The following PRSS48 variants were observed in gnomAD, a reference collection of about 807,000 sequenced individuals.
PRSS48 encodes serine protease 48, also known as epidermis-specific serine protease-like protein.
PRSS48 carries 21 observed loss-of-function variants against 25.6 expected under a neutral mutation model. The observed-to-expected ratio is 0.82, with a 90% confidence interval of 0.58 to 1.18. PRSS48 has a LOEUF of 1.18. PRSS48 is among the 50% of genes most tolerant of loss of function. PRSS48 has a pLI of 0.00. For synonymous variants in PRSS48, 150 were observed against 149.3 expected, an observed-to-expected ratio of 1.00 and a Z score of -0.04; for missense variants, 373 against 399.3, an observed-to-expected ratio of 0.93 and a Z score of 0.56.
At chr4:151,280,073 C>T in intron 2 of PRSS48, 115 bp downstream of exon 2, 1 of 1,257,936 alleles carries the variant, frequency 7.9e-7, no homozygotes, top group East Asian at 2.3e-5. Context: ...CGGAAGGAAA[C>T]CCAGGTCATG....
chr4:151,285,275 GAA>G (rs1363737780), intron 4 of PRSS48, among the ~76,000 whole-genome samples: 1 of 152,108 alleles, frequency 6.6e-6, no homozygotes, highest in Admixed American at 6.5e-5. Flanking sequence ...TTTAAAAACA[GAA>G]AGAGTCCTAA....
intron 1 of PRSS48, chr4:151,279,170 TG>T: frequency 5.1e-6 from 2 of 390,950 alleles, no homozygotes; most frequent in Admixed American, 3.2e-5. Flanking sequence ...CAACACGTCT[TG>T]AGTATACAGG....
intron 1 of PRSS48, among the ~76,000 whole-genome samples, chr4:151,279,383 T>C (rs549734231): frequency 3.9e-5 from 6 of 152,232 alleles, no homozygotes; most frequent in Admixed American, 1.3e-4. Context: ...TGATATTCCA[T>C]GTGTGCTGCT....
downstream of PRSS48, chr4:151,291,476 C>G: frequency 6.9e-7 from 1 of 1,441,920 alleles, no homozygotes; most frequent in East Asian, 2.3e-5. Flanking sequence ...CCACTGCTAA[C>G]CCTGGGTGAC....
intron 4 of PRSS48, among the ~76,000 whole-genome samples, chr4:151,287,680 A>G (rs954348018): frequency 6.6e-6 from 1 of 152,142 alleles, no homozygotes; most frequent in African/African-American, 2.4e-5. Context: ...GGATCACTTG[A>G]GGTCAGGAGT....
chr4:151,281,668 G>GTTAT (rs148514083), intron 2 of PRSS48, among the ~76,000 whole-genome samples: 5,856 of 150,872 alleles, frequency 0.039, 324 homozygotes, highest in African/African-American at 0.13. Flanking sequence ...CAGAGAACTT[G>GTTAT]TTATTTATTT....
Position 151,291,310 on chromosome 4 carries a change from G to A in PRSS48, c.844G>A (p.Val282Ile), listed in dbSNP as rs777014882. Residue 282 changes from valine to isoleucine, a missense_variant, in exon 5 of 5, where the codon GTC becomes ATC. Transcript: ENST00000455694. ...CTTCTCTGACTTCTTGTTCCCTATT[G>A]TCCTACTCTCTCTGGCTCTCCTGCG... The A allele has an allele frequency of 2.2e-5, 36 of 1,613,812 alleles. No homozygotes were observed. Among genetic ancestry groups the A allele is most frequent in the Non-Finnish European group, 2.5e-5 (29 of 1,179,874 alleles).
At chr4:151,290,991 C>T (rs1251251531) in intron 4 of PRSS48, 127 bp from the exon 5 acceptor site, 3 of 647,410 alleles carry the variant, frequency 4.6e-6, no homozygotes, top group Non-Finnish European at 7.9e-6. Context: ...ATTAGTCCAG[C>T]CCCCTGCAGG....
exon 4 of PRSS48, chr4:151,283,134 G>A (rs749984580): frequency 7.4e-6 from 12 of 1,613,712 alleles, no homozygotes; most frequent in Non-Finnish European, 1.0e-5. Flanking sequence ...TTACCATTCT[G>A]CCCTTCAGGA....
intron 4 of PRSS48, among the ~76,000 whole-genome samples, chr4:151,283,508 CT>C (rs5862956): frequency 0.38 from 47,724 of 126,288 alleles, 8,957 homozygotes; most frequent in Non-Finnish European, 0.41. Flanking sequence ...GGTCATTGGA[CT>C]TTTTTTTTTT....
intron 3 of PRSS48, among the ~76,000 whole-genome samples, chr4:151,282,664 A>G (rs1160126173): frequency 6.6e-6 from 1 of 152,170 alleles, no homozygotes; most frequent in Admixed American, 6.5e-5. Context: ...ACACATAACT[A>G]CCTCTCTCAA....
intron 4 of PRSS48, among the ~76,000 whole-genome samples, chr4:151,285,337 A>C (rs1774643321): frequency 6.6e-6 from 1 of 152,232 alleles, no homozygotes; most frequent in Admixed American, 6.5e-5. Context: ...CATTCTCCAG[A>C]ATAAACCATA....
intron 1 of PRSS48, among the ~76,000 whole-genome samples, chr4:151,277,438 G>A (rs1251875680): frequency 2.0e-5 from 3 of 152,086 alleles, no homozygotes; most frequent in South Asian, 2.1e-4. Context: ...CCCTATCTTC[G>A]TGGGACTTAT....
rs17027509 is a variant in PRSS48 at position 151,282,410 on chromosome 4, T to G, written c.478T>G (p.Ser160Ala). Residue 160 changes from serine (S) to alanine (A), a missense_variant, in exon 3 of 5, where the codon TCA becomes GCA. Physicochemically the swap from Ser to Ala is moderately conservative, Grantham distance 99. Transcript: ENST00000455694. ...CGGATGGGGAAAAGTTAAGGAAAGT[T>G]CAGGTGAGAATGGGCAGAGAGAAGG... The G allele has an allele frequency of 7.0e-3, 11,236 of 1,613,652 alleles. 623 individuals carry two copies. The African/African-American group carries it at 0.13, about 18-fold the overall frequency.
intron 4 of PRSS48, among the ~76,000 whole-genome samples, chr4:151,283,945 AT>A (rs1774495609): frequency 6.6e-6 from 1 of 152,180 alleles, no homozygotes; most frequent in Non-Finnish European, 1.5e-5. Flanking sequence ...CATTATTTGC[AT>A]CGTCATTCCA....
chr4:151,284,069 A>G (rs1774506311), intron 4 of PRSS48, among the ~76,000 whole-genome samples: 1 of 151,976 alleles, frequency 6.6e-6, no homozygotes, highest in Non-Finnish European at 1.5e-5. Flanking sequence ...CATTTATCCT[A>G]TTTGGGGTTC....
chr4:151,280,291 G>A (rs1433232641), intron 2 of PRSS48, among the ~76,000 whole-genome samples: 1 of 152,168 alleles, frequency 6.6e-6, no homozygotes, highest in Admixed American at 6.5e-5. Flanking sequence ...TTGTCATGTG[G>A]TGAGTGTCCC....
chr4:151,288,134 G>T (rs1169765961), intron 4 of PRSS48, among the ~76,000 whole-genome samples: 2 of 151,236 alleles, frequency 1.3e-5, no homozygotes, highest in South Asian at 4.2e-4. Context: ...TTTTCAACTC[G>T]ATCAAGTGCA....
chr4:151,287,619 T>G (rs1301166317), intron 4 of PRSS48, among the ~76,000 whole-genome samples: 2 of 152,024 alleles, frequency 1.3e-5, no homozygotes, highest in South Asian at 4.1e-4. Flanking sequence ...CTTTTTAGGA[T>G]GTGGTGACTC....
Sources: gnomAD v4.1 joint callset for allele counts (sites outside exome capture counted in the v4.1 genomes callset) on GRCh38, gnomAD v4.1.1 for gene constraint, MANE v1.5 for transcripts, NCBI Gene and HGNC (gene_info 2026-07-23, HGNC 2026-07-21) for gene names.